The following NLGN1 variants were observed in gnomAD, a reference collection of about 807,000 sequenced individuals.
The protein encoded by NLGN1 is neuroligin 1.
In NLGN1, 12 loss-of-function variants were observed where a neutral mutation model predicts 65.5. The ratio of observed to expected loss-of-function variants is 0.18; its 90% confidence interval spans 0.12 to 0.30. The LOEUF is 0.30. Among genes scored for constraint, NLGN1 ranks in the 10% least tolerant of loss-of-function variants. NLGN1 has a pLI of 1.00. For missense variants in NLGN1, 750 were observed against 1,007.1 expected (o/e 0.74, Z 3.46); for synonymous variants, 350 against 359.5 (o/e 0.97, Z 0.30).
chr3:173,614,357 T>C (rs1255422385), intron 3 of NLGN1, among the ~76,000 whole-genome samples: 1 of 152,008 alleles, frequency 6.6e-6, no homozygotes, highest in Non-Finnish European at 1.5e-5. Flanking sequence ...TAAAAATATA[T>C]ATGTGCTTCC....
At chr3:173,812,884 A>G (rs1250180659) in intron 4 of NLGN1, among the ~76,000 whole-genome samples, 4 of 149,550 alleles carry the variant, frequency 2.7e-5, no homozygotes, top group Non-Finnish European at 4.4e-5. Flanking sequence ...TCTGAGGGAT[A>G]AAAGTGAGGA....
chr3:173,488,913 T>A (rs543952718), intron 2 of NLGN1, among the ~76,000 whole-genome samples: 16 of 151,700 alleles, frequency 1.1e-4, no homozygotes, highest in South Asian at 4.2e-4. Flanking sequence ...TTTTTTTTTT[T>A]AATTTCTATC....
Position 173,863,282 on chromosome 3 carries a change from C to T in NLGN1, c.646+55450C>T, listed in dbSNP as rs115117149. Among the ~76,000 whole-genome samples the T allele has an allele frequency of 1.6e-3, 236 of 151,952 alleles. 1 individual carries two copies. Among genetic ancestry groups the T allele is most frequent in the African/African-American group, 5.5e-3 (227 of 41,446 alleles). ...CATTTATGACTTTTATATTTTTCTCCATGACATATACCTGCTGTCTTTGTG... is the reference window on the plus strand; with the variant it reads ...CATTTATGACTTTTATATTTTTCTCTATGACATATACCTGCTGTCTTTGTG... On this transcript the variant is annotated intron_variant, in intron 4 of 6. Coordinates refer to ENST00000457714, the Ensembl canonical transcript of NLGN1.
intron 4 of NLGN1, among the ~76,000 whole-genome samples, chr3:173,934,986 T>G (rs953648708): frequency 1.2e-4 from 19 of 152,070 alleles, no homozygotes; most frequent in Admixed American, 3.9e-4. Flanking sequence ...ATTTCCATTA[T>G]ACAGATGAGG....
chr3:173,842,509 A>G (rs188445101), intron 4 of NLGN1, among the ~76,000 whole-genome samples: 29 of 152,328 alleles, frequency 1.9e-4, no homozygotes, highest in Admixed American at 1.2e-3. Context: ...CCTAGATACA[A>G]TGGGGGTACA....
At chr3:173,743,371 C>T (rs1432688852) in intron 3 of NLGN1, among the ~76,000 whole-genome samples, 1 of 151,976 alleles carries the variant, frequency 6.6e-6, no homozygotes, top group Non-Finnish European at 1.5e-5. Flanking sequence ...TGACTAAGCA[C>T]CAGCAGCTCA....
At chr3:173,551,337 G>A (rs967604818) in intron 2 of NLGN1, among the ~76,000 whole-genome samples, 10 of 152,166 alleles carry the variant, frequency 6.6e-5, no homozygotes, top group African/African-American at 2.4e-4. Flanking sequence ...ACAGGCAGAA[G>A]CTAATATCTG....
At chr3:173,469,291 G>A (rs1292832878) in intron 2 of NLGN1, among the ~76,000 whole-genome samples, 1 of 151,766 alleles carries the variant, frequency 6.6e-6, no homozygotes, top group Admixed American at 6.6e-5. Flanking sequence ...TTCAAAGAGG[G>A]CAACTTTGTT....
intron 4 of NLGN1, among the ~76,000 whole-genome samples, chr3:174,079,342 G>A (rs532645897): frequency 5.9e-5 from 9 of 152,144 alleles, no homozygotes; most frequent in African/African-American, 1.9e-4. Context: ...AATGAGATAC[G>A]ATCTCACACC....
intron 4 of NLGN1, among the ~76,000 whole-genome samples, chr3:173,830,007 T>TCGGGGGCGGGGGG (rs1553863519): frequency 3.9e-5 from 5 of 128,648 alleles, no homozygotes; most frequent in African/African-American, 1.6e-4. Context: ...GTGGGTAGTG[T>TCGGGGGCGGGGGG]GGGGGGGGGA....
At chr3:173,761,676 A>G (rs1196575149) in intron 3 of NLGN1, among the ~76,000 whole-genome samples, 1 of 152,076 alleles carries the variant, frequency 6.6e-6, no homozygotes, top group Non-Finnish European at 1.5e-5. Flanking sequence ...CATTTCCTAC[A>G]GAAATATTTC....
chr3:174,232,742 G>T (rs1283518910), intron 4 of NLGN1, among the ~76,000 whole-genome samples: 3 of 152,182 alleles, frequency 2.0e-5, no homozygotes, highest in Non-Finnish European at 4.4e-5. Context: ...AGAGAGAAAG[G>T]AAGATTTTGG....
At chr3:173,943,568 T>C (rs1746546544) in intron 4 of NLGN1, among the ~76,000 whole-genome samples, 1 of 152,182 alleles carries the variant, frequency 6.6e-6, no homozygotes, top group African/African-American at 2.4e-5. Flanking sequence ...GGGTAACATA[T>C]TGTGTCATCT....
At chr3:174,089,973 T>C (rs1040592129) in intron 4 of NLGN1, among the ~76,000 whole-genome samples, 5 of 151,978 alleles carry the variant, frequency 3.3e-5, no homozygotes, top group Non-Finnish European at 7.4e-5. Flanking sequence ...TCTAGAGTTA[T>C]CAGTTTATTT....
intron 3 of NLGN1, among the ~76,000 whole-genome samples, chr3:173,767,980 A>G (rs1436708667): frequency 6.6e-6 from 1 of 150,676 alleles, no homozygotes; most frequent in African/African-American, 2.5e-5. Flanking sequence ...AAATCAATTT[A>G]ATTTAAATTT....
chr3:174,009,416 C>G (rs2152438049), intron 4 of NLGN1, among the ~76,000 whole-genome samples: 1 of 152,218 alleles, frequency 6.6e-6, no homozygotes, highest in Middle Eastern at 3.4e-3. Context: ...ATGTCATTCA[C>G]TACGATAAAT....
rs879275103 is a variant in NLGN1, at chr3:173,638,191, A to AT, written c.493+33112dup. ...ATAAATAGGGGAATGCATTTGTTAG[A>AT]TTTTTTTTTTTTATGTAGCCATAAA... is the stretch of plus-strand genomic sequence containing the variant. On this transcript the variant is annotated intron_variant, in intron 3 of 6. Coordinates refer to ENST00000457714, the Ensembl canonical transcript of NLGN1. Among the ~76,000 whole-genome samples the AT allele has an allele frequency of 5.1e-3, 741 of 144,662 alleles. 3 individuals are homozygous for AT. Among genetic ancestry groups the AT allele is most frequent in the African/African-American group, 0.014 (568 of 39,702 alleles). 94.9% of individuals were successfully genotyped at this position (144,662 alleles called of 152,430 possible).
At chr3:173,992,011 A>G (rs1245253937) in intron 4 of NLGN1, among the ~76,000 whole-genome samples, 2 of 152,062 alleles carry the variant, frequency 1.3e-5, no homozygotes, top group Non-Finnish European at 2.9e-5. Flanking sequence ...TATTTTTAGT[A>G]GAGATGGGGT....
At chr3:173,735,161 T>C (rs542334236) in intron 3 of NLGN1, among the ~76,000 whole-genome samples, 2 of 152,102 alleles carry the variant, frequency 1.3e-5, no homozygotes, top group African/African-American at 4.8e-5. Context: ...CCTGTAACTA[T>C]GTATGGGCAT....
Sources: gnomAD v4.1 joint callset for allele counts (sites outside exome capture counted in the v4.1 genomes callset) on GRCh38, gnomAD v4.1.1 for gene constraint, MANE v1.5 for transcripts, NCBI Gene and HGNC (gene_info 2026-07-23, HGNC 2026-07-21) for gene names.